The following PLXNA4 variants were observed in gnomAD, a reference collection of about 807,000 sequenced individuals.
PLXNA4 encodes the protein plexin A4.
In PLXNA4, 44 loss-of-function variants were observed where a neutral mutation model predicts 191.8. That is an observed-to-expected ratio of 0.23 (90% CI 0.18 to 0.29). PLXNA4 has a LOEUF of 0.29. Ranked by LOEUF, PLXNA4 falls within the 10% of genes least tolerant of loss-of-function variation. PLXNA4 has a pLI of 1.00. For synonymous variants in PLXNA4, 1,082 were observed against 1,009.5 expected, an observed-to-expected ratio of 1.07 and a Z score of -1.36; for missense variants, 1,800 against 2,488.8, an observed-to-expected ratio of 0.72 and a Z score of 5.89.
At chr7:132,383,998 T>C (rs1448455623) in intron 3 of PLXNA4, 10 of 985,334 alleles carry the variant, frequency 1.0e-5, no homozygotes, top group Non-Finnish European at 1.2e-5. Context: ...CAGGTGCACA[T>C]GGCCTGTTAC....
At chr7:132,360,832 GTTC>G (rs1183328452) in intron 3 of PLXNA4, among the ~76,000 whole-genome samples, 6 of 152,306 alleles carry the variant, frequency 3.9e-5, no homozygotes, top group African/African-American at 1.2e-4. Context: ...CCCCTGTCTT[GTTC>G]TTCTTCCACC....
At chr7:132,440,751 C>A (rs1433385) in intron 3 of PLXNA4, among the ~76,000 whole-genome samples, 2 of 151,998 alleles carry the variant, frequency 1.3e-5, no homozygotes, top group Non-Finnish European at 2.9e-5. Context: ...GGGTCAAGGC[C>A]TAGCTGCTGT....
chr7:132,205,312 G>A (rs1797579150), intron 10 of PLXNA4, among the ~76,000 whole-genome samples: 1 of 152,116 alleles, frequency 6.6e-6, no homozygotes, highest in South Asian at 2.1e-4. Context: ...AGATTCCAGG[G>A]CCCATCCCAG....
chr7:132,179,913 G>T lies in PLXNA4; in HGVS notation c.3648C>A (p.Val1216=). Residue 1216 remains valine (V), a synonymous_variant, in exon 20 of 32, where the codon GTC becomes GTA. Coordinates refer to ENST00000321063, the MANE Select transcript of PLXNA4 (RefSeq NM_020911.2). The stretch of plus-strand genomic sequence containing the variant: ...TCCCCGGGGAGTACTCCATGCCACC[G>T]ACACGGGCCTGGGGGCACACAGGGC... ...LIGRHKVMAR[V]GGMEYSPGMV... is the part of the protein sequence containing the mutation. 6.2e-7 allele frequency: 1 copy of T among 1,606,542 alleles called. No individual in the cohort carries two copies. Among genetic ancestry groups the T allele is most frequent in the South Asian group, 1.1e-5 (1 of 90,516 alleles).
chr7:132,324,484 C>T (rs1406906509), intron 3 of PLXNA4, among the ~76,000 whole-genome samples: 4 of 152,116 alleles, frequency 2.6e-5, no homozygotes, highest in Non-Finnish European at 4.4e-5. Context: ...TTTAATTTAT[C>T]GTTACAGTTC....
intron 2 of PLXNA4, among the ~76,000 whole-genome samples, chr7:132,642,484 C>T (rs1430407363): frequency 6.6e-6 from 1 of 151,630 alleles, no homozygotes; most frequent in African/African-American, 2.4e-5. Context: ...TAGGAGTCAG[C>T]CAGGGAGAAG....
intron 1 of PLXNA4, among the ~76,000 whole-genome samples, chr7:132,552,736 A>G (rs2116581741): frequency 6.6e-6 from 1 of 152,374 alleles, no homozygotes; most frequent in Non-Finnish European, 1.5e-5. Flanking sequence ...AACACTGGAC[A>G]GAAGAAAAGT....
intron 2 of PLXNA4, among the ~76,000 whole-genome samples, chr7:132,633,740 C>A (rs1022057088): frequency 1.3e-5 from 2 of 152,088 alleles, no homozygotes; most frequent in Non-Finnish European, 2.9e-5. Context: ...TGACTCTGAC[C>A]CTCATCATCT....
At chr7:132,158,914 G>A (rs1163488050) in intron 25 of PLXNA4, among the ~76,000 whole-genome samples, 1 of 152,230 alleles carries the variant, frequency 6.6e-6, no homozygotes, top group Non-Finnish European at 1.5e-5. Context: ...ATATATTCAT[G>A]TAACAGCTAA....
chr7:132,532,770 C>T (rs150854996), intron 1 of PLXNA4, among the ~76,000 whole-genome samples: 56 of 152,324 alleles, frequency 3.7e-4, no homozygotes, highest in African/African-American at 1.2e-3. Flanking sequence ...AATAGAACTA[C>T]TCTCTATTGC....
At chr7:132,637,062 G>A (rs564002221) in intron 2 of PLXNA4, among the ~76,000 whole-genome samples, 2 of 152,322 alleles carry the variant, frequency 1.3e-5, no homozygotes, top group African/African-American at 4.8e-5. Flanking sequence ...AAGGATGAGA[G>A]AGAGGGAATG....
At chr7:132,356,559 C>G (rs1375584507) in intron 3 of PLXNA4, among the ~76,000 whole-genome samples, 2 of 152,230 alleles carry the variant, frequency 1.3e-5, no homozygotes, top group African/African-American at 4.8e-5. Context: ...TCTTCACTAC[C>G]TGCTTTGGTC....
At chr7:132,238,655 C>T (rs1798781127) in intron 5 of PLXNA4, among the ~76,000 whole-genome samples, 1 of 152,216 alleles carries the variant, frequency 6.6e-6, no homozygotes. Context: ...ATAAGATATA[C>T]AAGTGTCAGA....
chr7:132,622,361 G>T (rs1049534257), intron 2 of PLXNA4, among the ~76,000 whole-genome samples: 2 of 152,050 alleles, frequency 1.3e-5, no homozygotes, highest in African/African-American at 2.4e-5. Context: ...GCATTTGTGG[G>T]GTTATTTATT....
At chr7:132,227,360 G>A in intron 7 of PLXNA4, 91 bp downstream of exon 7, 3 of 1,535,230 alleles carry the variant, frequency 2.0e-6, no homozygotes, top group East Asian at 4.7e-5. Flanking sequence ...CCTGCCTGCA[G>A]GTTGCTTTGA....
intron 3 of PLXNA4, among the ~76,000 whole-genome samples, chr7:132,404,446 G>C (rs1794126398): frequency 6.6e-6 from 1 of 152,236 alleles, no homozygotes. Flanking sequence ...GCCCTCACAG[G>C]CCCAGAGCCA....
intron 14 of PLXNA4, among the ~76,000 whole-genome samples, chr7:132,190,525 A>G (rs1402334354): frequency 6.6e-6 from 1 of 152,192 alleles, no homozygotes; most frequent in Non-Finnish European, 1.5e-5. Context: ...AGGCAGGGAG[A>G]GGTCCAGGGC....
chr7:132,176,947 T>C (rs1210922935), intron 20 of PLXNA4, among the ~76,000 whole-genome samples: 1 of 151,916 alleles, frequency 6.6e-6, no homozygotes, highest in African/African-American at 2.4e-5. Context: ...TGTGCACGCC[T>C]GCAAGTTGAG....
chr7:132,241,642 G>A (rs1798883530), intron 4 of PLXNA4, among the ~76,000 whole-genome samples: 1 of 152,074 alleles, frequency 6.6e-6, no homozygotes, highest in African/African-American at 2.4e-5. Context: ...CTGCTCCAGA[G>A]AGCATTTAGT....
Sources: allele counts gnomAD v4.1 joint callset (sites outside exome capture counted in the v4.1 genomes callset), GRCh38; gene constraint gnomAD v4.1.1; transcripts MANE v1.5; gene names NCBI Gene and HGNC (gene_info 2026-07-23, HGNC 2026-07-21).